EPB41L1: variants seen among roughly 807,000 people sequenced by gnomAD.
EPB41L1 encodes band 4.1-like protein 1.
EPB41L1 carries 29 observed loss-of-function variants against 97.8 expected under a neutral mutation model. The ratio of observed to expected loss-of-function variants is 0.30; its 90% CI spans 0.22 to 0.40. The LOEUF (loss-of-function observed/expected upper bound fraction) is 0.40, where lower values mean the gene tolerates loss of function less well. EPB41L1 is among the 10% of genes least tolerant of loss of function. EPB41L1 has a pLI of 1.00. For synonymous variants in EPB41L1, 383 were observed against 459.2 expected (o/e 0.83, Z 2.12); for missense variants, 812 against 1,162.3 (o/e 0.70, Z 4.38).
intron 1 of EPB41L1, among the ~76,000 whole-genome samples, chr20:36,168,892 A>C (rs1289088732): frequency 6.6e-6 from 1 of 151,538 alleles, no homozygotes; most frequent in Non-Finnish European, 1.5e-5. Context: ...AATCTCCTTC[A>C]CCATCCTGAG....
chr20:36,169,519 G>A (rs1025522266), intron 1 of EPB41L1, among the ~76,000 whole-genome samples: 3 of 152,046 alleles, frequency 2.0e-5, no homozygotes, highest in African/African-American at 7.3e-5. Flanking sequence ...TCCCAGCTCC[G>A]TCACTCCTCC....
chr20:36,164,348 AACTG>A (rs2060650442), intron 1 of EPB41L1, among the ~76,000 whole-genome samples: 1 of 152,234 alleles, frequency 6.6e-6, no homozygotes, highest in Non-Finnish European at 1.5e-5. Flanking sequence ...TTGTCTTAGT[AACTG>A]ACTATTAAAA....
intron 20 of EPB41L1, 53 bp downstream of exon 20, chr20:36,221,997 T>A (rs1052190991): frequency 6.3e-7 from 1 of 1,578,816 alleles, no homozygotes; most frequent in Non-Finnish European, 8.7e-7. Flanking sequence ...CCTCAATCCC[T>A]CCTATGTTGG....
chr20:36,190,569 G>T lies in EPB41L1; in HGVS notation c.1125-53G>T. On this transcript the variant is annotated intron_variant, in intron 10 of 21. Coordinates refer to ENST00000338074, the MANE Select transcript of EPB41L1 (RefSeq NM_012156.2). This position sits in a 1 kb window ranked among gnomAD's most constrained non-coding sequence, Gnocchi z 5.8. ...AAGGCCAGCTGTGGTCTAACCTTGG[G>T]CCTGGCAGTGCAGGTCTGATTCCTC... 1 of 1,609,306 alleles carries T rather than the reference G, an allele frequency of 6.2e-7. No individual in the cohort carries two copies. Among genetic ancestry groups the T allele is most frequent in the Non-Finnish European group, 8.5e-7 (1 of 1,177,176 alleles).
At chr20:36,217,727 G>C (rs926342777) in intron 17 of EPB41L1, among the ~76,000 whole-genome samples, 1 of 152,228 alleles carries the variant, frequency 6.6e-6, no homozygotes, top group Non-Finnish European at 1.5e-5. Flanking sequence ...AACTGCAGGT[G>C]CATCTGGGAA....
chr20:36,141,629 G>T lies in EPB41L1; in HGVS notation c.-10+29149G>T, dbSNP rs573097171. On this transcript the variant is annotated intron_variant, in intron 2 of 19. Coordinates refer to the EPB41L1 transcript ENST00000202028. ...GTTCAGGCCAGAAGCTTTGAGAGAG[G>T]TGAAGGTAACAGACCTTTCTTATAT... is the stretch of plus-strand genomic sequence containing the variant. Among the ~76,000 whole-genome samples, 125 of 152,340 alleles carry T rather than the reference G, an allele frequency of 8.2e-4. 1 individual carries two copies. Among genetic ancestry groups the T allele is most frequent in the African/African-American group, 2.8e-3 (116 of 41,574 alleles).
intron 14 of EPB41L1, among the ~76,000 whole-genome samples, chr20:36,205,213 T>G (rs1183261859): frequency 6.6e-6 from 1 of 152,184 alleles, no homozygotes; most frequent in South Asian, 2.1e-4. Flanking sequence ...CTGTGGCCTG[T>G]GGAACTTAAT....
intron 2 of EPB41L1, among the ~76,000 whole-genome samples, chr20:36,139,431 AT>A (rs981377641): frequency 4.6e-5 from 7 of 152,316 alleles, no homozygotes; most frequent in Non-Finnish European, 8.8e-5. Context: ...TTTAAAAAAA[AT>A]TTTTTTGTTA....
chr20:36,232,499 C>T lies in EPB41L1; in HGVS notation c.*3159C>T. ...TCTTCATTTTCTCTTATTTTGTTTT[C>T]TCTGGATCTTTTCCATCTGAGGGTA... On this transcript the variant is annotated 3_prime_UTR_variant, in exon 22 of 22. Coordinates refer to ENST00000338074, the MANE Select transcript of EPB41L1 (RefSeq NM_012156.2). 1 of 398,164 alleles carries T rather than the reference C, an allele frequency of 2.5e-6. No individual in the cohort carries two copies. Among genetic ancestry groups the T allele is most frequent in the Non-Finnish European group, 4.4e-6 (1 of 226,002 alleles). 24.7% of individuals were successfully genotyped at this position (398,164 alleles called of 1,614,324 possible).
chr20:36,202,935 A>C (rs1170984595), intron 14 of EPB41L1, among the ~76,000 whole-genome samples: 2 of 152,016 alleles, frequency 1.3e-5, no homozygotes, highest in Middle Eastern at 3.4e-3. Flanking sequence ...TTGGGTGCAG[A>C]CAGCTGTGAG....
chr20:36,159,075 T>C (rs1265453990), intron 1 of EPB41L1, among the ~76,000 whole-genome samples: 2 of 152,108 alleles, frequency 1.3e-5, no homozygotes, highest in Non-Finnish European at 2.9e-5. Context: ...CATTAAGGTG[T>C]CCCTCTGGTA....
At chr20:36,154,440 A>G (rs1358224171), upstream of EPB41L1, among the ~76,000 whole-genome samples, 1 of 149,884 alleles carries the variant, frequency 6.7e-6, no homozygotes, top group African/African-American at 2.5e-5. This position sits in a 1 kb window ranked among gnomAD's most constrained non-coding sequence, Gnocchi z 5.5. Flanking sequence ...ACAGTCCCGC[A>G]GTGGTCTGGG....
chr20:36,155,376 A>G (rs2060250736), intron 1 of EPB41L1: 1 of 361,536 alleles, frequency 2.8e-6, no homozygotes, highest in Non-Finnish European at 5.5e-6. Context: ...CTCCCTTCCA[A>G]GTACCTCAGA....
At chr20:36,094,550 C>G (rs534526637) in intron 1 of EPB41L1, among the ~76,000 whole-genome samples, 1 of 152,292 alleles carries the variant, frequency 6.6e-6, no homozygotes, top group East Asian at 1.9e-4. Flanking sequence ...AACGTCACAT[C>G]CCCCTTTGCT....
chr20:36,130,316 A>G (rs2147748647), intron 2 of EPB41L1, among the ~76,000 whole-genome samples: 1 of 152,178 alleles, frequency 6.6e-6, no homozygotes, highest in Non-Finnish European at 1.5e-5. Flanking sequence ...AGGAAGCAGA[A>G]AAAAATTACT....
rs762509594 is a variant in EPB41L1, at chr20:36,194,209, C to T, written c.1301-3C>T. ...GTTGCCTGGCTATCTCCACCCACTT[C>T]AGCAGAGTTCTCCCGCCCAGCCTCG... On this transcript the variant is annotated splice_polypyrimidine_tract_variant and splice_region_variant and intron_variant, in intron 11 of 21. Coordinates refer to ENST00000338074, the MANE Select transcript of EPB41L1 (RefSeq NM_012156.2). 5.0e-6 allele frequency: 8 copies of T among 1,613,476 alleles called. No homozygotes were observed. The South Asian group carries it at 7.7e-5, about 16-fold the overall frequency.
intron 17 of EPB41L1, among the ~76,000 whole-genome samples, chr20:36,215,924 G>A (rs762679190): frequency 1.3e-5 from 2 of 152,172 alleles, no homozygotes; most frequent in Non-Finnish European, 2.9e-5. Flanking sequence ...CTGGCTGGAT[G>A]ACCTTGGGCA....
chr20:36,210,890 G>C (rs1209706977), intron 15 of EPB41L1, among the ~76,000 whole-genome samples: 1 of 152,116 alleles, frequency 6.6e-6, no homozygotes, highest in African/African-American at 2.4e-5. Flanking sequence ...TGGGTTACAG[G>C]GTTGCAACCA....
At chr20:36,180,785 A>ATTC (rs1358827130) in intron 5 of EPB41L1, among the ~76,000 whole-genome samples, 1 of 152,118 alleles carries the variant, frequency 6.6e-6, no homozygotes, top group East Asian at 1.9e-4. Context: ...TATTATTATT[A>ATTC]TTGATTATTA....
Sources: gnomAD v4.1 joint callset for allele counts (sites outside exome capture counted in the v4.1 genomes callset) on GRCh38, gnomAD v4.1.1 for gene constraint, Gnocchi (gnomAD v3.1) non-coding constraint, MANE v1.5 for transcripts, NCBI Gene and HGNC (gene_info 2026-07-23, HGNC 2026-07-21) for gene names.